Variants in OR4A15 observed in about 807,000 individuals in gnomAD.
OR4A15 encodes olfactory receptor family 4 subfamily A member 15.
For synonymous variants in OR4A15, 240 were observed against 135.6 expected, an observed-to-expected ratio of 1.77 and a Z score of -5.35; for missense variants, 657 against 374.7, an observed-to-expected ratio of 1.75 and a Z score of -6.22.
chr11:55,368,028 C>A lies in OR4A15; in HGVS notation c.55C>A (p.Pro19Thr), dbSNP rs753072744. Residue 19 changes from proline (P) to threonine (T), a missense_variant, in exon 1 of 1, where the codon CCT becomes ACT. Coordinates refer to ENST00000641526, the Ensembl canonical transcript of OR4A15. Reference sequence around the variant, plus strand: ...TATCCTCTTAGGGCTCACACAGAACCCTGAGGGGCAAAAGGTTTTATTTGT... The same window carrying A: ...TATCCTCTTAGGGCTCACACAGAACACTGAGGGGCAAAAGGTTTTATTTGT... 4.3e-6 allele frequency: 7 copies of A among 1,613,432 alleles called. No individual in the cohort carries two copies. Among genetic ancestry groups the A allele is most frequent in the Middle Eastern group, 1.7e-4 (1 of 6,048 alleles).
rs557832519 is a variant in OR4A15 at position 55,368,396 on chromosome 11, T to C, written c.423T>C (p.Leu141=). The stretch of plus-strand genomic sequence containing the variant: ...CCATGAATCGTCGAGTCTGTGTTCT[T>C]ATGCTGTTGGCGGCCTGGATTGGAG... Residue 141 remains leucine (L), a synonymous_variant, in exon 1 of 1, where the codon CTT becomes CTC. Transcript: ENST00000641526. 23 of 1,613,692 alleles carry C rather than the reference T, an allele frequency of 1.4e-5. No homozygotes were observed. In the East Asian group the frequency reaches 2.2e-4, roughly 16 times the overall value.
chr11:55,368,022 C>A (rs1554975654), exon 1 of OR4A15: 2 of 1,613,334 alleles, frequency 1.2e-6, no homozygotes, highest in South Asian at 1.1e-5. Context: ...AGGGCTCACA[C>A]AGAACCCTGA....
At position 55,368,758 on chromosome 11, in the gene OR4A15, C is replaced by T. The variant is rs749926188; in HGVS notation, c.785C>T (p.Thr262Ile). The change falls in exon 1 of 1, where the codon ACT becomes ATT. Residue 262 changes from threonine (T) to isoleucine (I), a missense_variant. Physicochemically the swap from Thr to Ile is moderately conservative, Grantham distance 89. Coordinates refer to ENST00000641526, the Ensembl canonical transcript of OR4A15. Reference sequence around the variant, plus strand: ...TTCTTGTATGCAAGGCCCAATTCTACTTTTCCCATTGATAAATCCATGACT... The same window carrying T: ...TTCTTGTATGCAAGGCCCAATTCTATTTTTCCCATTGATAAATCCATGACT... 9.9e-6 allele frequency: 16 copies of T among 1,613,786 alleles called. No individual in the cohort carries two copies. The South Asian group carries it at 1.2e-4, about 12-fold the overall frequency.
chr11:55,368,875 G>A, exon 1 of OR4A15: 1 of 1,608,006 alleles, frequency 6.2e-7, no homozygotes, highest in African/African-American at 1.3e-5. Flanking sequence ...AAACTTTGGA[G>A]TAAAAAAGTA....
rs1853897304 is a variant in OR4A15 at position 55,368,872 on chromosome 11, G to A, written c.899G>A (p.Trp300Ter). ...ATGAAAAGTGCCATGAGGAAACTTT[G>A]GAGTAAAAAAGTAAGCTTAGCTGGG... The change falls in exon 1 of 1, where the codon TGG becomes TAG. Residue 300 changes from tryptophan to a stop codon, truncating the protein, a stop_gained. Transcript: ENST00000641526. LOFTEE classifies it low-confidence loss of function (END_TRUNC). The A allele has an allele frequency of 1.2e-6, 2 of 1,608,580 alleles. No individual in the cohort carries two copies. The highest frequency in any genetic ancestry group is 1.7e-6 in the Non-Finnish European group (2 of 1,178,308).
exon 1 of OR4A15, chr11:55,368,433 T>G: frequency 6.2e-7 from 1 of 1,612,250 alleles, no homozygotes; most frequent in Non-Finnish European, 8.5e-7. Flanking sequence ...CTTTCTTCAC[T>G]CATTGGTTCA....
rs780246685 is a variant in OR4A15 at position 55,368,854 on chromosome 11, G to A, written c.881G>A (p.Ser294Asn). The A allele has an allele frequency of 6.2e-7, 1 of 1,611,758 alleles. No individual in the cohort carries two copies. The highest frequency in any genetic ancestry group is 8.5e-7 in the Non-Finnish European group (1 of 1,179,240). ...ACCCTGAAGAATGCAGAAATGAAAA[G>A]TGCCATGAGGAAACTTTGGAGTAAA... The change falls in exon 1 of 1, where the codon AGT becomes AAT. Residue 294 changes from serine to asparagine, a missense_variant. Physicochemically the swap from Ser to Asn is conservative, Grantham distance 46 (BLOSUM62 1). Transcript: ENST00000641526.
chr11:55,368,356 T>C (rs762801581), exon 1 of OR4A15: 1 of 1,613,462 alleles, frequency 6.2e-7, no homozygotes, highest in East Asian at 2.2e-5. Flanking sequence ...TGTAAGCCTC[T>C]TCATGAATTG....
At chr11:55,368,843 A>G (rs866978359) in exon 1 of OR4A15, 1 of 1,612,870 alleles carries the variant, frequency 6.2e-7, no homozygotes, top group African/African-American at 1.3e-5. Flanking sequence ...TGAAGAATGC[A>G]GAAATGAAAA....
At chr11:55,368,886 A>T in exon 1 of OR4A15, 1 of 1,607,446 alleles carries the variant, frequency 6.2e-7, no homozygotes. Flanking sequence ...TAAAAAAGTA[A>T]GCTTAGCTGG....
chr11:55,368,748 C>T lies in OR4A15; in HGVS notation c.775C>T (p.Pro259Ser), dbSNP rs753622247. Residue 259 changes from proline (P) to serine (S), a missense_variant, in exon 1 of 1, where the codon CCC (proline) becomes TCC (serine). Coordinates refer to ENST00000641526, the Ensembl canonical transcript of OR4A15. Reference sequence around the variant, plus strand: ...CCCCTGTATCTTCTTGTATGCAAGGCCCAATTCTACTTTTCCCATTGATAA... The same window carrying T: ...CCCCTGTATCTTCTTGTATGCAAGGTCCAATTCTACTTTTCCCATTGATAA... 126 of 1,613,596 alleles carry T rather than the reference C, an allele frequency of 7.8e-5. No individual in the cohort carries two copies. Among genetic ancestry groups the T allele is most frequent in the East Asian group, 2.2e-4 (10 of 44,858 alleles).
At chr11:55,368,896 G>T (rs1435373545) in exon 1 of OR4A15, 1 of 1,603,792 alleles carries the variant, frequency 6.2e-7, no homozygotes, top group Non-Finnish European at 8.5e-7. Flanking sequence ...AGCTTAGCTG[G>T]GAAATGGCTG....
chr11:55,368,608 T>A (rs780386508), exon 1 of OR4A15: 1 of 1,613,740 alleles, frequency 6.2e-7, no homozygotes, highest in Non-Finnish European at 8.5e-7. Flanking sequence ...TTCTTCACTA[T>A]CCTGCTTTCC....
At chr11:55,368,901 T>G in exon 1 of OR4A15, 1 of 1,602,068 alleles carries the variant, frequency 6.2e-7, no homozygotes, top group South Asian at 1.1e-5. Flanking sequence ...AGCTGGGAAA[T>G]GGCTGTATCA....
exon 1 of OR4A15, chr11:55,368,286 T>C: frequency 1.2e-6 from 2 of 1,613,964 alleles, no homozygotes; most frequent in Non-Finnish European, 1.7e-6. Context: ...GGATCATTTA[T>C]TTGCTGGTGC....
rs1292032996 is a variant in OR4A15, at chr11:55,368,072, C to A, written c.99C>A (p.Tyr33Ter). The change falls in exon 1 of 1, where the codon TAC (tyrosine) becomes TAA (stop). Residue 33 changes from tyrosine (Y) to a stop codon, truncating the protein, a stop_gained. Coordinates refer to ENST00000641526, the Ensembl canonical transcript of OR4A15. LOFTEE classifies it low-confidence loss of function (END_TRUNC). ...TATTTGTCACATTCTTACTAATCTA[C>A]ATGGTGACGATAATGGGCAACCTGC... The A allele has an allele frequency of 6.2e-7, 1 of 1,613,332 alleles. No individual in the cohort carries two copies. The highest frequency in any genetic ancestry group is 1.1e-5 in the South Asian group (1 of 91,070).
exon 1 of OR4A15, chr11:55,368,031 G>A (rs1705926234): frequency 6.2e-7 from 1 of 1,613,514 alleles, no homozygotes; most frequent in Non-Finnish European, 8.5e-7. Flanking sequence ...ACAGAACCCT[G>A]AGGGGCAAAA....
exon 1 of OR4A15, chr11:55,368,635 A>G: frequency 6.2e-7 from 1 of 1,613,180 alleles, no homozygotes; most frequent in Non-Finnish European, 8.5e-7. Flanking sequence ...GTCATATTAC[A>G]CTCTCTTAAG....
Position 55,368,766 on chromosome 11 carries a change from A to T in OR4A15, c.793A>T (p.Ile265Phe), listed in dbSNP as rs757921221. The T allele has an allele frequency of 1.9e-6, 3 of 1,613,736 alleles. No individual in the cohort carries two copies. The highest frequency in any genetic ancestry group is 3.3e-5 in the Admixed American group (2 of 59,960). The change falls in exon 1 of 1, where the codon ATT (isoleucine) becomes TTT (phenylalanine). Residue 265 changes from isoleucine (I) to phenylalanine (F), a missense_variant. Transcript: ENST00000641526. Reference sequence around the variant, plus strand: ...TGCAAGGCCCAATTCTACTTTTCCCATTGATAAATCCATGACTGTAGTTCT... The same window carrying T: ...TGCAAGGCCCAATTCTACTTTTCCCTTTGATAAATCCATGACTGTAGTTCT...
Sources: gnomAD v4.1 joint callset for allele counts on GRCh38, gnomAD v4.1.1 for gene constraint, MANE v1.5 for transcripts, NCBI Gene and HGNC (gene_info 2026-07-23, HGNC 2026-07-21) for gene names.